Variants in FER1L6 observed in about 807,000 individuals in gnomAD.
The protein encoded by FER1L6 is fer-1 like family member 6.
In FER1L6, 177 loss-of-function variants were observed where a neutral mutation model predicts 219.2. The ratio of observed to expected loss-of-function variants is 0.81; its 90% confidence interval spans 0.71 to 0.91. FER1L6 has a LOEUF of 0.91. Ranked by LOEUF, FER1L6 falls within the 40% of genes least tolerant of loss-of-function variation. The pLI, the probability that FER1L6 is intolerant of heterozygous loss-of-function variation, is 0.00. For missense variants in FER1L6, 2,153 were observed against 2,259.9 expected (o/e 0.95, Z 0.96); for synonymous variants, 768 against 824.3 (o/e 0.93, Z 1.17).
chr8:123,860,030 G>T (rs1307445875), intron 1 of FER1L6, among the ~76,000 whole-genome samples: 1 of 141,706 alleles, frequency 7.1e-6, no homozygotes, highest in Non-Finnish European at 1.5e-5. Flanking sequence ...TGCACTTTGT[G>T]CAGGTTAGTT....
chr8:123,979,364 G>C (rs1413145009), intron 10 of FER1L6, among the ~76,000 whole-genome samples: 1 of 152,084 alleles, frequency 6.6e-6, no homozygotes, highest in Admixed American at 6.5e-5. Context: ...GGATTAGCTG[G>C]GGCTCAAAAT....
chr8:123,910,794 A>G (rs1309865642), intron 1 of FER1L6, among the ~76,000 whole-genome samples: 11 of 148,526 alleles, frequency 7.4e-5, no homozygotes, highest in Non-Finnish European at 1.6e-4. Context: ...TTCAAATTCC[A>G]TATATATAGA....
chr8:124,073,568 C>A (rs1315374340), intron 31 of FER1L6, among the ~76,000 whole-genome samples: 2 of 152,142 alleles, frequency 1.3e-5, no homozygotes, highest in African/African-American at 4.8e-5. Context: ...ATTTCCCCAC[C>A]TCTTTTTTTC....
At chr8:123,866,012 A>C (rs1217953118) in intron 1 of FER1L6, among the ~76,000 whole-genome samples, 1 of 150,736 alleles carries the variant, frequency 6.6e-6, no homozygotes, top group Non-Finnish European at 1.5e-5. Flanking sequence ...TCCCCCCCAC[A>C]TTTTCTTAAT....
intron 1 of FER1L6, among the ~76,000 whole-genome samples, chr8:123,953,189 T>G (rs2130102229): frequency 6.6e-6 from 1 of 152,078 alleles, no homozygotes; most frequent in African/African-American, 2.4e-5. Flanking sequence ...ATGCTGGGAG[T>G]CATGCTGGGT....
At chr8:124,101,008 C>A in intron 37 of FER1L6, 89 bp from the exon 38 acceptor site, 1 of 1,211,448 alleles carries the variant, frequency 8.3e-7, no homozygotes, top group Non-Finnish European at 1.2e-6. Flanking sequence ...GCTCTGTGAC[C>A]ACATTGAAAT....
At chr8:123,907,586 C>G (rs1405846912) in intron 1 of FER1L6, among the ~76,000 whole-genome samples, 2 of 151,604 alleles carry the variant, frequency 1.3e-5, no homozygotes, top group Non-Finnish European at 2.9e-5. Context: ...TTATCTAAAC[C>G]TCCTTCCTAT....
In FER1L6 at chr8:124,010,643, A is replaced by G. The variant is rs776547931; in HGVS notation, c.1750A>G (p.Ile584Val). Residue 584 changes from isoleucine to valine, a missense_variant, in exon 14 of 41, where the codon ATC (isoleucine) becomes GTC (valine). Ile to Val is a conservative substitution (Grantham distance 29). Transcript: ENST00000522917. ...GGCTAAGAAGCCCTGTGTCTATTTC[A>G]TCAGCTCTTGGGGAGACCAGACCTT... is the stretch of plus-strand genomic sequence containing the variant. ...FEAKKPCVYF[I>V]SSWGDQTFRL... is the part of the protein sequence containing the mutation. The G allele has an allele frequency of 1.9e-6, 3 of 1,614,078 alleles. No homozygotes were observed. Among genetic ancestry groups the G allele is most frequent in the African/African-American group, 1.3e-5 (1 of 75,032 alleles).
chr8:123,964,882 G>C (rs1024995103), intron 3 of FER1L6, among the ~76,000 whole-genome samples: 1 of 151,958 alleles, frequency 6.6e-6, no homozygotes, highest in African/African-American at 2.4e-5. Flanking sequence ...TTTTACACTT[G>C]CCTACTAGTT....
At chr8:123,887,351 G>C (rs776294898) in intron 1 of FER1L6, among the ~76,000 whole-genome samples, 45 of 152,156 alleles carry the variant, frequency 3.0e-4, no homozygotes, top group Non-Finnish European at 5.6e-4. Context: ...ATTGGGAACC[G>C]ATTTGGTTCC....
chr8:124,074,084 A>G (rs1014355122), intron 31 of FER1L6, among the ~76,000 whole-genome samples: 3 of 152,184 alleles, frequency 2.0e-5, no homozygotes, highest in African/African-American at 7.2e-5. Context: ...TCATTGCTGC[A>G]GAGTTTCTCC....
chr8:124,071,627 T>G lies in FER1L6; in HGVS notation c.4088T>G (p.Val1363Gly). 1.9e-6 allele frequency: 3 copies of G among 1,612,738 alleles called. No homozygotes were observed. The highest frequency in any genetic ancestry group is 2.5e-6 in the Non-Finnish European group (3 of 1,178,906). The change falls in exon 31 of 41, where the codon GTC becomes GGC. Residue 1363 changes from valine (V) to glycine (G), a missense_variant. Physicochemically the swap from Val to Gly is moderately radical, Grantham distance 109 (BLOSUM62 -3). Coordinates refer to ENST00000522917, the MANE Select transcript of FER1L6 (RefSeq NM_001039112.2). ...ACAGTGCTGATCAGAGTATACATTGTCGCGGTGAGCCATTCTTGTTTGCTC... is the reference window on the plus strand; with the variant it reads ...ACAGTGCTGATCAGAGTATACATTGGCGCGGTGAGCCATTCTTGTTTGCTC... ...PVTVLIRVYI[V>G]AAFNLSPADP...
chr8:123,856,330 A>G (rs537481785), intron 1 of FER1L6, among the ~76,000 whole-genome samples: 28 of 127,112 alleles, frequency 2.2e-4, no homozygotes, highest in Non-Finnish European at 3.4e-4. Context: ...ATATATATAT[A>G]TATATATATA....
chr8:124,005,795 G>A (rs960649357), intron 13 of FER1L6, among the ~76,000 whole-genome samples: 5 of 152,218 alleles, frequency 3.3e-5, no homozygotes, highest in African/African-American at 1.2e-4. Flanking sequence ...GTAAGGAGTT[G>A]GGGAAAGTCA....
intron 1 of FER1L6, among the ~76,000 whole-genome samples, chr8:123,912,060 T>C (rs1165780114): frequency 3.3e-5 from 5 of 152,154 alleles, no homozygotes; most frequent in African/African-American, 9.7e-5. Context: ...CCCTAGATTC[T>C]TGTTTAGCAA....
At chr8:124,021,726 G>A in intron 17 of FER1L6, 57 bp downstream of exon 17, 2 of 1,601,542 alleles carry the variant, frequency 1.2e-6, no homozygotes, top group Non-Finnish European at 1.7e-6. Flanking sequence ...GTCTTCCAGG[G>A]AGGTTTGAAT....
chr8:124,017,544 C>A, intron 15 of FER1L6, 84 bp from the exon 16 acceptor site: 2 of 1,066,508 alleles, frequency 1.9e-6, no homozygotes, highest in Non-Finnish European at 2.8e-6. Flanking sequence ...CACTGTATTG[C>A]AGAAACAATA....
chr8:123,948,962 A>G lies in FER1L6; in HGVS notation c.-7-7030A>G, dbSNP rs184033643. Among the ~76,000 whole-genome samples, 225 of 152,328 alleles carry G rather than the reference A, an allele frequency of 1.5e-3. 2 individuals are homozygous for G. Among genetic ancestry groups the G allele is most frequent in the African/African-American group, 5.2e-3 (215 of 41,582 alleles). ...GAGTAGGTTTCAGGAGGGAGAGAAC[A>G]GAAGCAGAAAGTCCAGTGAAGTGTG... is the stretch of plus-strand genomic sequence containing the variant. On this transcript the variant is annotated intron_variant, in intron 1 of 40. Coordinates refer to ENST00000522917, the MANE Select transcript of FER1L6 (RefSeq NM_001039112.2).
intron 13 of FER1L6, among the ~76,000 whole-genome samples, chr8:124,005,127 C>T (rs1246272580): frequency 6.6e-6 from 1 of 151,780 alleles, no homozygotes; most frequent in African/African-American, 2.4e-5. Flanking sequence ...TTTAAAAATT[C>T]TGGCCATTGG....
Sources: gnomAD v4.1 joint callset for allele counts (sites outside exome capture counted in the v4.1 genomes callset) on GRCh38, gnomAD v4.1.1 for gene constraint, MANE v1.5 for transcripts, NCBI Gene and HGNC (gene_info 2026-07-23, HGNC 2026-07-21) for gene names.